POLR2F: variants seen among roughly 807,000 people sequenced by gnomAD.
The protein encoded by POLR2F is RNA polymerase II, I and III subunit F.
A neutral mutation model predicts 22.7 loss-of-function variants in POLR2F; 12 were observed. The ratio of observed to expected loss-of-function variants is 0.53; its 90% CI spans 0.34 to 0.86. The LOEUF (loss-of-function observed/expected upper bound fraction) is 0.86, where lower values mean the gene tolerates loss of function less well. POLR2F is among the 40% of genes least tolerant of loss of function. The pLI is 0.02. For missense variants in POLR2F, 126 were observed against 171.5 expected (o/e 0.73, Z 1.48); for synonymous variants, 57 against 66.0 (o/e 0.86, Z 0.66).
Position 37,967,737 on chromosome 22 carries a change from T to C in POLR2F, c.*22T>C, listed in dbSNP as rs1383690188. On this transcript the variant is annotated 3_prime_UTR_variant, in exon 5 of 5. Transcript: ENST00000442738. ...CTGAGCTGGAGTCATCTTCCTGCCC[T>C]TGCCCCATGCCCAATTTTCATTCTC... The C allele has an allele frequency of 1.2e-6, 2 of 1,600,894 alleles. No individual in the cohort carries two copies. Among genetic ancestry groups the C allele is most frequent in the Non-Finnish European group, 1.7e-6 (2 of 1,175,174 alleles).
intron 5 of POLR2F, among the ~76,000 whole-genome samples, chr22:38,035,271 C>T (rs2085104316): frequency 6.6e-6 from 1 of 152,214 alleles, no homozygotes; most frequent in Admixed American, 6.5e-5. Flanking sequence ...ACAGGCGCCT[C>T]CGAGGCCTTT....
rs1483652527 is a variant in POLR2F, at chr22:37,986,294, C to T, written c.104C>T (p.Pro35Leu). The change falls in exon 1 of 3, where the codon CCT becomes CTT. Residue 35 changes from proline (P) to leucine (L), a missense_variant. Coordinates refer to the POLR2F transcript ENST00000333418. The surrounding 1 kb of genome is among the most constrained non-coding windows in gnomAD (Gnocchi z 4.7). ...TGCTGCCCGCCCGCTGCCTGCCTGC[C>T]TGGCATCTCTCTCTCCCGGTGGGTC... The T allele has an allele frequency of 3.3e-5, 51 of 1,537,994 alleles. No homozygotes were observed. The highest frequency in any genetic ancestry group is 4.4e-5 in the Non-Finnish European group (51 of 1,146,742).
chr22:37,963,971 G>A (rs189013641), intron 3 of POLR2F, among the ~76,000 whole-genome samples: 5,314 of 152,122 alleles, frequency 0.035, 304 homozygotes, highest in African/African-American at 0.12. Flanking sequence ...GTGTGGTGGC[G>A]CGCGCCTATA....
chr22:37,983,279 G>C, upstream of POLR2F: 2 of 1,499,626 alleles, frequency 1.3e-6, no homozygotes, highest in South Asian at 2.4e-5. This position sits in a 1 kb window ranked among gnomAD's most constrained non-coding sequence, Gnocchi z 9.5. Context: ...CTGAGGTGCA[G>C]GAGGCCGGGC....
At chr22:38,026,557 C>G in exon 3 of POLR2F, 1 of 342,872 alleles carries the variant, frequency 2.9e-6, no homozygotes, top group Admixed American at 3.9e-5. Flanking sequence ...CCGCCTCTCT[C>G]TGTCCCCCAG....
At chr22:37,985,995 A>C (rs1932561627), upstream of POLR2F, 103 of 1,117,592 alleles carry the variant, frequency 9.2e-5, no homozygotes, top group Admixed American at 1.5e-4. Flanking sequence ...CCTCGACGCC[A>C]CCCCCGGCGC....
rs1000458886 is a variant in POLR2F at position 38,035,142 on chromosome 22, CCT to C, written c.453-5925_453-5924del. On this transcript the variant is annotated intron_variant, in intron 5 of 5. Transcript: ENST00000407936. ...TGCCATAGCCATCTCTCTCTCTCCC[CCT>C]GTGTGTGTCTCTCTCTCTCGGTCTC... Among the ~76,000 whole-genome samples, 138 of 152,284 alleles carry C rather than the reference CCT, an allele frequency of 9.1e-4. 3 individuals are homozygous for C. The highest frequency in any genetic ancestry group is 6.9e-4 in the Non-Finnish European group (47 of 68,014).
chr22:37,976,884 C>G (rs1932236710), intron 4 of POLR2F, among the ~76,000 whole-genome samples: 1 of 152,096 alleles, frequency 6.6e-6, no homozygotes, highest in Admixed American at 6.5e-5. Flanking sequence ...GACACGGTAT[C>G]ACATGCCATG....
exon 6 of POLR2F, chr22:38,041,102 A>G: frequency 8.7e-6 from 14 of 1,612,936 alleles, no homozygotes; most frequent in Non-Finnish European, 1.2e-5. Flanking sequence ...ACTCGCCTGA[A>G]GCCCCGTGAA....
At chr22:38,011,966 T>G (rs1193948026) in intron 1 of POLR2F, among the ~76,000 whole-genome samples, 2 of 152,016 alleles carry the variant, frequency 1.3e-5, no homozygotes, top group African/African-American at 4.8e-5. Flanking sequence ...ATTTAAAATT[T>G]TATTTCTTTT....
rs572090913 is a variant in POLR2F at position 37,980,778 on chromosome 22, C to T, written c.293+13608C>T. Among the ~76,000 whole-genome samples, 36 of 152,356 alleles carry T rather than the reference C, an allele frequency of 2.4e-4. No individual in the cohort carries two copies. Among genetic ancestry groups the T allele is most frequent in the African/African-American group, 7.9e-4 (33 of 41,588 alleles). ...CAAGAAGAGGTAGGCTGATTCCTCACCCAAACTGGAAACCCCAACCGGGGA... is the reference window on the plus strand; with the variant it reads ...CAAGAAGAGGTAGGCTGATTCCTCATCCAAACTGGAAACCCCAACCGGGGA... On this transcript the variant is annotated intron_variant, in intron 4 of 4. Transcript: ENST00000405557. The surrounding 1 kb of genome is among the most constrained non-coding windows in gnomAD (Gnocchi z 4.1).
At chr22:38,002,455 C>G (rs2084780159) in intron 1 of POLR2F, among the ~76,000 whole-genome samples, 1 of 152,182 alleles carries the variant, frequency 6.6e-6, no homozygotes, top group Admixed American at 6.5e-5. Flanking sequence ...GCACTGCAAC[C>G]TCCGCCTCCC....
downstream of POLR2F, among the ~76,000 whole-genome samples, chr22:37,970,439 T>TAA (rs139882): frequency 2.5e-3 from 327 of 128,886 alleles, 3 homozygotes; most frequent in South Asian, 9.7e-3. Context: ...TGTCTCTACT[T>TAA]AAAAAAAAAA....
chr22:37,971,839 G>T (rs1932061560), downstream of POLR2F, among the ~76,000 whole-genome samples: 1 of 152,034 alleles, frequency 6.6e-6, no homozygotes. Context: ...GTGAGCAGAG[G>T]GGCTGCTTGC....
downstream of POLR2F, chr22:37,974,161 C>A: frequency 7.4e-7 from 1 of 1,346,422 alleles, no homozygotes; most frequent in Non-Finnish European, 1.0e-6. The surrounding 1 kb of genome is among the most constrained non-coding windows in gnomAD (Gnocchi z 5.4). Flanking sequence ...GCTCTGTCTT[C>A]GGGGTGGTTG....
At chr22:37,992,923 C>T (rs1408616526) in intron 1 of POLR2F, among the ~76,000 whole-genome samples, 1 of 152,182 alleles carries the variant, frequency 6.6e-6, no homozygotes, top group African/African-American at 2.4e-5. Context: ...TCCTGGGGAC[C>T]TACCCTAGGC....
chr22:37,978,017 C>G lies in POLR2F; in HGVS notation c.293+10847C>G. The G allele has an allele frequency of 6.2e-7, 1 of 1,611,676 alleles. No individual in the cohort carries two copies. Among genetic ancestry groups the G allele is most frequent in the African/African-American group, 1.3e-5 (1 of 75,072 alleles). On this transcript the variant is annotated intron_variant, in intron 4 of 4. Transcript: ENST00000405557. The surrounding 1 kb of genome is among the most constrained non-coding windows in gnomAD (Gnocchi z 5.0). ...GGGCACTCCGCCTCGCCCTGGGCGG[C>G]CTTCCCGTTCTTCCGCCGCCTGGGC... is the stretch of plus-strand genomic sequence containing the variant.
intron 1 of POLR2F, among the ~76,000 whole-genome samples, chr22:38,014,132 A>AG (rs931486731): frequency 7.9e-5 from 12 of 151,706 alleles, no homozygotes; most frequent in Non-Finnish European, 1.6e-4. Context: ...CAAAAAAAAA[A>AG]AAAAAAAAAG....
At position 37,978,496 on chromosome 22, in the gene POLR2F, C is replaced by T. The variant is rs576987630; in HGVS notation, c.293+11326C>T. Reference sequence around the variant, plus strand: ...AAAACTTTCTCATCATCAAAGCTGTCTGCAAGTGGAATTGGCTACTTCAGT... The same window carrying T: ...AAAACTTTCTCATCATCAAAGCTGTTTGCAAGTGGAATTGGCTACTTCAGT... On this transcript the variant is annotated intron_variant, in intron 4 of 4. Coordinates refer to the POLR2F transcript ENST00000405557. The surrounding 1 kb of genome is among the most constrained non-coding windows in gnomAD (Gnocchi z 5.0). Among the ~76,000 whole-genome samples, 2 of 152,350 alleles carry T rather than the reference C, an allele frequency of 1.3e-5. No individual in the cohort carries two copies. Among genetic ancestry groups the T allele is most frequent in the South Asian group, 4.1e-4 (2 of 4,834 alleles).
Sources: allele counts gnomAD v4.1 joint callset (sites outside exome capture counted in the v4.1 genomes callset), GRCh38; gene constraint gnomAD v4.1.1; non-coding constraint Gnocchi (gnomAD v3.1); transcripts MANE v1.5; gene names NCBI Gene and HGNC (gene_info 2026-07-23, HGNC 2026-07-21).